CDC5L: variants seen among roughly 807,000 people sequenced by gnomAD.
CDC5L encodes the protein cell division cycle 5 like, also known as cell division cycle 5-like protein.
Under a neutral mutation model 104.1 loss-of-function variants are expected in CDC5L, and 18 were observed. The observed-to-expected ratio is 0.17, with a 90% confidence interval of 0.12 to 0.26. CDC5L has a LOEUF of 0.26. CDC5L is among the 10% of genes least tolerant of loss of function. CDC5L has a pLI of 1.00. For synonymous variants in CDC5L, 331 were observed against 322.7 expected (o/e 1.03, Z -0.28); for missense variants, 673 against 956.9 (o/e 0.70, Z 3.91).
Position 44,424,422 on chromosome 6 carries a change from A to G in CDC5L, c.1408A>G (p.Arg470Gly), listed in dbSNP as rs964125850. ...AAGGACCACTTCTTTTCTACAGGAA[A>G]GAGAATCCCGAGAACATCTCCGTTT... is the stretch of plus-strand genomic sequence containing the variant. The part of the protein sequence containing the change: ...SDPSYVKQME[R>G]ESREHLRLGL... The change falls in exon 11 of 16, where the codon AGA (arginine) becomes GGA (glycine). Residue 470 changes from arginine to glycine, a missense_variant. Transcript: ENST00000371477. 1 of 1,612,058 alleles carries G rather than the reference A, an allele frequency of 6.2e-7. No individual in the cohort carries two copies. Among genetic ancestry groups the G allele is most frequent in the South Asian group, 1.1e-5 (1 of 90,940 alleles).
At chr6:44,408,292 C>T (rs1345472638) in intron 7 of CDC5L, 152 bp from the exon 8 acceptor site, 1 of 345,764 alleles carries the variant, frequency 2.9e-6, no homozygotes, top group East Asian at 4.6e-5. Flanking sequence ...TCAATAGAGA[C>T]AGTTTTGCTG....
chr6:44,403,741 A>G, intron 5 of CDC5L, 68 bp from the exon 6 acceptor site: 1 of 1,066,856 alleles, frequency 9.4e-7, no homozygotes, highest in Non-Finnish European at 1.4e-6. Context: ...TTTTTTTTTA[A>G]CTGTATGGGA....
In CDC5L at chr6:44,416,829, T is replaced by G. The variant is rs548427114; in HGVS notation, c.1093-2620T>G. Among the ~76,000 whole-genome samples the G allele has an allele frequency of 3.3e-5, 5 of 152,304 alleles. No homozygotes were observed. The South Asian group carries it at 1.0e-3, about 32-fold the overall frequency. On this transcript the variant is annotated intron_variant, in intron 8 of 15. Coordinates refer to ENST00000371477, the MANE Select transcript of CDC5L (RefSeq NM_001253.4). ...ACCCACTCTTCCAGGAATATATACTTTTGCCATTTGATTCTTATTTCTCCT... is the reference window on the plus strand; with the variant it reads ...ACCCACTCTTCCAGGAATATATACTGTTGCCATTTGATTCTTATTTCTCCT...
At position 44,413,324 on chromosome 6, in the gene CDC5L, T is replaced by G. The variant is rs535220933; in HGVS notation, c.1092+4692T>G. Among the ~76,000 whole-genome samples the G allele has an allele frequency of 2.6e-5, 4 of 152,364 alleles. No homozygotes were observed. The East Asian group carries it at 7.7e-4, about 29-fold the overall frequency. On this transcript the variant is annotated intron_variant, in intron 8 of 15. Coordinates refer to ENST00000371477, the MANE Select transcript of CDC5L (RefSeq NM_001253.4). The stretch of plus-strand genomic sequence containing the variant: ...CCATGTTGTAGCTTTTATCAGTACT[T>G]TATTCCTTTTTGTCATTGCATAATA...
Position 44,403,791 on chromosome 6 carries a change from A to G in CDC5L, c.540-18A>G. The G allele has an allele frequency of 6.4e-7, 1 of 1,565,464 alleles. No individual in the cohort carries two copies. Among genetic ancestry groups the G allele is most frequent in the Non-Finnish European group, 8.7e-7 (1 of 1,151,136 alleles). ...CACATGGCATATGATTTTCAAAGTG[A>G]TTTTGCATTCTTTTCAGACGTCTTG... On this transcript the variant is annotated intron_variant, in intron 5 of 15. Transcript: ENST00000371477.
intron 2 of CDC5L, among the ~76,000 whole-genome samples, chr6:44,392,104 T>G (rs9472273): frequency 0.72 from 109,661 of 152,126 alleles, 41,488 homozygotes; most frequent in Non-Finnish European, 0.86. Flanking sequence ...TTAAGTCCTG[T>G]TTGCCTGCCT....
rs544292745 is a variant in CDC5L at position 44,390,906 on chromosome 6, A to AAT, written c.149+536_149+537dup. On this transcript the variant is annotated intron_variant, in intron 2 of 15. Transcript: ENST00000371477. ...TATATATTATATATTAAACATACTT[A>AAT]ATGTTATATATTATATATTAAACAT... Among the ~76,000 whole-genome samples the AAT allele has an allele frequency of 7.6e-4, 108 of 142,850 alleles. 3 individuals are homozygous for AAT. Among genetic ancestry groups the AAT allele is most frequent in the South Asian group, 1.7e-3 (8 of 4,574 alleles). 93.7% of individuals were successfully genotyped at this position (142,850 alleles called of 152,430 possible). A position where few individuals can be genotyped will look rare whatever the true frequency, so the allele number is the denominator to read the frequency against.
intron 14 of CDC5L, among the ~76,000 whole-genome samples, chr6:44,434,575 C>T (rs1381029757): frequency 6.6e-6 from 1 of 152,022 alleles, no homozygotes; most frequent in Non-Finnish European, 1.5e-5. Context: ...CCATTGACTG[C>T]CTGTTTATTT....
At chr6:44,428,109 C>T (rs1241344389) in intron 13 of CDC5L, among the ~76,000 whole-genome samples, 5 of 152,136 alleles carry the variant, frequency 3.3e-5, no homozygotes, top group Non-Finnish European at 2.9e-5. Flanking sequence ...CATATTCTCT[C>T]GTAATGATTA....
At chr6:44,416,466 G>C (rs746666281) in intron 8 of CDC5L, among the ~76,000 whole-genome samples, 1 of 152,164 alleles carries the variant, frequency 6.6e-6, no homozygotes, top group Non-Finnish European at 1.5e-5. Context: ...AAACTTGCCA[G>C]CTCCTCTGCA....
chr6:44,390,993 CATATTTAATATGTTAT>C (rs1790575067), intron 2 of CDC5L, among the ~76,000 whole-genome samples: 1 of 104,732 alleles, frequency 9.5e-6, no homozygotes, highest in African/African-American at 3.6e-5. Context: ...ATATATTAAA[CATATTTAATATGTTAT>C]ATATTATATA....
At chr6:44,406,796 G>T (rs545336776) in intron 7 of CDC5L, among the ~76,000 whole-genome samples, 1 of 152,160 alleles carries the variant, frequency 6.6e-6, no homozygotes, top group South Asian at 2.1e-4. Flanking sequence ...ACCTGTAATC[G>T]CAGCTACTTG....
intron 4 of CDC5L, among the ~76,000 whole-genome samples, chr6:44,393,950 G>A (rs939119390): frequency 6.6e-6 from 1 of 152,202 alleles, no homozygotes; most frequent in Non-Finnish European, 1.5e-5. Flanking sequence ...ATAGGTGTGA[G>A]CCACCATACC....
At chr6:44,438,181 C>A (rs1314826554) in intron 14 of CDC5L, among the ~76,000 whole-genome samples, 2 of 152,182 alleles carry the variant, frequency 1.3e-5, no homozygotes, top group Non-Finnish European at 2.9e-5. Flanking sequence ...CTCCTGGGCT[C>A]AAGCGATCCA....
chr6:44,447,603 G>A lies in CDC5L; in HGVS notation c.*892G>A, dbSNP rs940241240. On this transcript the variant is annotated 3_prime_UTR_variant, in exon 16 of 16. Transcript: ENST00000371477. ...GCAATGTTTTGACATCACCAAAAACGTTTGCCCAGTCTTAGAATACTAGGG... is the reference window on the plus strand; with the variant it reads ...GCAATGTTTTGACATCACCAAAAACATTTGCCCAGTCTTAGAATACTAGGG... The A allele has an allele frequency of 1.3e-5, 2 of 152,118 alleles. No individual in the cohort carries two copies. Among genetic ancestry groups the A allele is most frequent in the Admixed American group, 6.6e-5 (1 of 15,262 alleles). The allele number at this position is 152,118 out of a possible 1,614,324, so 9.4% of individuals were successfully genotyped here.
chr6:44,446,513 A>C, intron 15 of CDC5L, 94 bp from the exon 16 acceptor site: 1 of 538,772 alleles, frequency 1.9e-6, no homozygotes, highest in Non-Finnish European at 3.2e-6. Flanking sequence ...AAGAATCATG[A>C]TTTAACTCAG....
In CDC5L at chr6:44,426,120, G is replaced by T. The variant is rs1055398152; in HGVS notation, c.1587G>T (p.Glu529Asp). 6.2e-7 allele frequency: 1 copy of T among 1,604,444 alleles called. No homozygotes were observed. Among genetic ancestry groups the T allele is most frequent in the Admixed American group, 1.7e-5 (1 of 59,492 alleles). The change falls in exon 12 of 16, where the codon GAG becomes GAT. Residue 529 changes from glutamate (E) to aspartate (D), a missense_variant. This residue lies in a region of CDC5L where 578 missense variants were observed against 737.0 expected (regional missense o/e 0.78). Transcript: ENST00000371477. ...TTTTTTAGGCCATACGAGATGCAGAGCGTGTAAAGGAAATGAAACGAATGC... is the reference window on the plus strand; with the variant it reads ...TTTTTTAGGCCATACGAGATGCAGATCGTGTAAAGGAAATGAAACGAATGC... ...DARKQAIRDA[E>D]RVKEMKRMHK...
At chr6:44,431,576 C>T (rs746938344) in intron 14 of CDC5L, among the ~76,000 whole-genome samples, 6 of 151,972 alleles carry the variant, frequency 3.9e-5, no homozygotes, top group Non-Finnish European at 5.9e-5. Flanking sequence ...CTCTTTTTGC[C>T]GCAAATGGCA....
At chr6:44,426,813 T>C (rs1450465803) in intron 13 of CDC5L, 89 bp downstream of exon 13, 1 of 1,299,240 alleles carries the variant, frequency 7.7e-7, no homozygotes, top group African/African-American at 1.5e-5. Flanking sequence ...TATTTTTCCC[T>C]GTTGGTATTC....
Sources: gnomAD v4.1 joint callset for allele counts (sites outside exome capture counted in the v4.1 genomes callset) on GRCh38, gnomAD v4.1.1 for gene constraint, gnomAD v4.1.1 regional missense constraint, MANE v1.5 for transcripts, NCBI Gene and HGNC (gene_info 2026-07-23, HGNC 2026-07-21) for gene names.